Variants in RBM27 observed in about 807,000 individuals in gnomAD.
RBM27 encodes the protein RNA binding motif protein 27, also known as RNA-binding protein 27.
Under a neutral mutation model 135.3 loss-of-function variants are expected in RBM27, and 22 were observed. The ratio of observed to expected loss-of-function variants is 0.16; its 90% CI spans 0.12 to 0.23. The LOEUF (loss-of-function observed/expected upper bound fraction) is 0.23. RBM27 is among the 10% of genes least tolerant of loss of function. The pLI is 1.00. For missense variants in RBM27, 1,009 were observed against 1,281.0 expected (o/e 0.79, Z 3.24); for synonymous variants, 481 against 442.4 (o/e 1.09, Z -1.10).
chr5:146,261,932 T>TGCTA, intron 13 of RBM27, 126 bp downstream of exon 13: 3 of 925,306 alleles, frequency 3.2e-6, no homozygotes, highest in Non-Finnish European at 4.9e-6. Context: ...ACCAGTAGCA[T>TGCTA]CTGATCTCCT....
intron 19 of RBM27, among the ~76,000 whole-genome samples, chr5:146,272,044 A>AGT (rs1252056546): frequency 6.6e-6 from 1 of 152,274 alleles, no homozygotes; most frequent in African/African-American, 2.4e-5. Context: ...TTCTGTATAT[A>AGT]GTGGCAACCA....
chr5:146,254,571 A>T (rs1484548735), intron 9 of RBM27, among the ~76,000 whole-genome samples: 1 of 149,332 alleles, frequency 6.7e-6, no homozygotes, highest in Non-Finnish European at 1.5e-5. Context: ...AAATAAAAAT[A>T]AAAAAAAACC....
chr5:146,273,556 C>T (rs1202846974), intron 19 of RBM27, among the ~76,000 whole-genome samples: 5 of 152,078 alleles, frequency 3.3e-5, no homozygotes, highest in Non-Finnish European at 5.9e-5. Flanking sequence ...GTACTAGGAG[C>T]ACACTTCCCT....
At chr5:146,229,644 A>G (rs561303397) in intron 4 of RBM27, 73 bp from the exon 5 acceptor site, 2 of 1,300,890 alleles carry the variant, frequency 1.5e-6, no homozygotes, top group Admixed American at 2.1e-5. Flanking sequence ...CAAGAGTAGT[A>G]TTTATACTAT....
At chr5:146,214,162 T>C (rs1756092639) in intron 1 of RBM27, among the ~76,000 whole-genome samples, 1 of 152,244 alleles carries the variant, frequency 6.6e-6, no homozygotes, top group Non-Finnish European at 1.5e-5. Context: ...AATTTATCTT[T>C]ACAAATTTAC....
intron 13 of RBM27, among the ~76,000 whole-genome samples, chr5:146,262,747 C>A (rs1370778177): frequency 1.3e-5 from 2 of 152,214 alleles, no homozygotes; most frequent in Non-Finnish European, 2.9e-5. Context: ...AGAGTTCATA[C>A]TATCACCTTC....
intron 1 of RBM27, among the ~76,000 whole-genome samples, chr5:146,211,187 G>A (rs79709937): frequency 0.029 from 4,361 of 152,050 alleles, 210 homozygotes; most frequent in African/African-American, 0.099. Context: ...GGCTGAGGTG[G>A]GAGGATCACT....
At chr5:146,279,343 GGAGGCT>G (rs1759228957) in intron 19 of RBM27, among the ~76,000 whole-genome samples, 1 of 151,760 alleles carries the variant, frequency 6.6e-6, no homozygotes, top group East Asian at 2.0e-4. Context: ...CAGCTACTCA[GGAGGCT>G]GAGGCAGGAG....
At position 146,238,260 on chromosome 5, in the gene RBM27, G is replaced by A. The variant is rs563420029; in HGVS notation, c.1279+828G>A. Among the ~76,000 whole-genome samples the A allele has an allele frequency of 5.8e-4, 89 of 152,234 alleles. 1 individual carries two copies. Among genetic ancestry groups the A allele is most frequent in the Non-Finnish European group, 2.8e-4 (19 of 68,022 alleles). The stretch of plus-strand genomic sequence containing the variant: ...GCGGTGGCTCATGCCTGTAATCCTA[G>A]CACTTTGGGAGGCCTGGGTGGGCAG... On this transcript the variant is annotated intron_variant, in intron 8 of 20. Transcript: ENST00000265271.
intron 8 of RBM27, among the ~76,000 whole-genome samples, chr5:146,242,086 G>C (rs780059768): frequency 6.6e-6 from 1 of 151,780 alleles, no homozygotes; most frequent in Admixed American, 6.6e-5. Context: ...CATCACACAC[G>C]GCCTCAAGGA....
chr5:146,274,772 T>C (rs1759022086), intron 19 of RBM27, among the ~76,000 whole-genome samples: 1 of 152,102 alleles, frequency 6.6e-6, no homozygotes, highest in African/African-American at 2.4e-5. Context: ...TAATTTACAG[T>C]GCAGGTTATA....
chr5:146,261,596 A>G lies in RBM27; in HGVS notation c.1980A>G (p.Ala660=). Reference sequence around the variant, plus strand: ...GGAAAGCCATTTCTAGCACAGAAGCAGTTCTAAACAACCGATTCATTCGAG... The same window carrying G: ...GGAAAGCCATTTCTAGCACAGAAGCGGTTCTAAACAACCGATTCATTCGAG... ...EARKAISSTE[A]VLNNRFIRVL... is the part of the protein sequence containing the mutation. Residue 660 remains alanine, a synonymous_variant, in exon 13 of 21, where the codon GCA becomes GCG. Transcript: ENST00000265271. The G allele has an allele frequency of 6.2e-7, 1 of 1,614,210 alleles. No homozygotes were observed. The highest frequency in any genetic ancestry group is 8.5e-7 in the Non-Finnish European group (1 of 1,180,008).
intron 8 of RBM27, among the ~76,000 whole-genome samples, chr5:146,241,710 C>T (rs994158386): frequency 7.2e-5 from 11 of 152,134 alleles, no homozygotes; most frequent in Non-Finnish European, 1.0e-4. Flanking sequence ...CCGCCCGCCT[C>T]GGCTTCCCAA....
At chr5:146,265,554 A>G (rs1178602828) in intron 14 of RBM27, among the ~76,000 whole-genome samples, 2 of 152,236 alleles carry the variant, frequency 1.3e-5, no homozygotes, top group Non-Finnish European at 2.9e-5. Context: ...AAGTAATTAT[A>G]AAGTAAAATT....
At chr5:146,255,890 C>T (rs1758079721) in intron 10 of RBM27, among the ~76,000 whole-genome samples, 1 of 146,516 alleles carries the variant, frequency 6.8e-6, no homozygotes, top group African/African-American at 2.5e-5. Context: ...GAGTCTGGGT[C>T]TGTTGCCCAG....
intron 14 of RBM27, among the ~76,000 whole-genome samples, chr5:146,264,530 G>A (rs1758534753): frequency 6.6e-6 from 1 of 151,744 alleles, no homozygotes; most frequent in Non-Finnish European, 1.5e-5. Context: ...TCATCTTTAA[G>A]AATTTAGTGA....
chr5:146,211,407 A>G (rs1412458164), intron 1 of RBM27, among the ~76,000 whole-genome samples: 2 of 149,772 alleles, frequency 1.3e-5, no homozygotes, highest in African/African-American at 4.9e-5. Flanking sequence ...TTTAATAAAT[A>G]TTAACAAATG....
chr5:146,237,674 A>G (rs1375093866), intron 8 of RBM27, among the ~76,000 whole-genome samples: 2 of 152,194 alleles, frequency 1.3e-5, no homozygotes, highest in Non-Finnish European at 2.9e-5. Flanking sequence ...GCCATGGAGT[A>G]GCAACATTTA....
chr5:146,225,983 C>T (rs1026451682), intron 3 of RBM27, among the ~76,000 whole-genome samples: 10 of 151,544 alleles, frequency 6.6e-5, no homozygotes, highest in African/African-American at 2.2e-4. Context: ...CTGCTTCAGC[C>T]TCCTGGGTAG....
Sources: allele counts gnomAD v4.1 joint callset (sites outside exome capture counted in the v4.1 genomes callset), GRCh38; gene constraint gnomAD v4.1.1; transcripts MANE v1.5; gene names NCBI Gene and HGNC (gene_info 2026-07-23, HGNC 2026-07-21).